ERBB4: variants seen among roughly 807,000 people sequenced by gnomAD.
The protein encoded by ERBB4 is receptor tyrosine-protein kinase erbB-4.
ERBB4 carries 42 observed loss-of-function variants against 158.0 expected under a neutral mutation model. The observed-to-expected ratio is 0.27, with a 90% CI of 0.21 to 0.34. The LOEUF (loss-of-function observed/expected upper bound fraction) is 0.34. ERBB4 is among the 10% of genes least tolerant of loss of function. The pLI is 1.00. For synonymous variants in ERBB4, 583 were observed against 558.7 expected (o/e 1.04, Z -0.61); for missense variants, 1,333 against 1,624.1 (o/e 0.82, Z 3.08).
intron 3 of ERBB4, among the ~76,000 whole-genome samples, chr2:211,905,726 A>C (rs13002593): frequency 1.2e-5 from 1 of 80,888 alleles, no homozygotes; most frequent in African/African-American, 4.6e-5. Flanking sequence ...ATGTGTGTGT[A>C]TGTGTGTGCA....
intron 1 of ERBB4, among the ~76,000 whole-genome samples, chr2:212,476,269 C>T (rs1199893872): frequency 6.6e-6 from 1 of 152,116 alleles, no homozygotes; most frequent in Non-Finnish European, 1.5e-5. Context: ...TTGTCTCCCT[C>T]ACTAGAGCAA....
intron 2 of ERBB4, among the ~76,000 whole-genome samples, chr2:212,031,078 T>C (rs930449159): frequency 7.9e-5 from 12 of 152,128 alleles, no homozygotes; most frequent in Non-Finnish European, 1.6e-4. Context: ...ATTCCTTGAT[T>C]ATACCCAAGC....
intron 17 of ERBB4, among the ~76,000 whole-genome samples, chr2:211,628,284 C>T (rs1021044829): frequency 6.6e-6 from 1 of 152,106 alleles, no homozygotes; most frequent in African/African-American, 2.4e-5. Flanking sequence ...CATCATTTAA[C>T]ATTAGGTATA....
chr2:211,517,043 T>C (rs2066053488), intron 20 of ERBB4, among the ~76,000 whole-genome samples: 1 of 152,132 alleles, frequency 6.6e-6, no homozygotes, highest in African/African-American at 2.4e-5. Context: ...GCTATTCACT[T>C]AGGAGTAGGT....
Position 212,391,646 on chromosome 2 carries a change from T to C in ERBB4, c.82+146803A>G, listed in dbSNP as rs1363038878. ...CAATATATTATATTGACATATAATA[T>C]TATATATTATATTATGTATTATATT... On this transcript the variant is annotated intron_variant, in intron 1 of 27. Coordinates refer to ENST00000342788, the MANE Select transcript of ERBB4 (RefSeq NM_005235.3). 3.5e-5 allele frequency among the ~76,000 whole-genome samples: 5 copies of C among 142,948 alleles called. No individual in the cohort carries two copies. In the East Asian group the frequency reaches 5.9e-4, roughly 17 times the overall value. The allele number at this position is 142,948 out of a possible 152,430, so 93.8% of individuals were successfully genotyped here. A position where few individuals can be genotyped will look rare whatever the true frequency, so the allele number is the denominator to read the frequency against.
intron 1 of ERBB4, among the ~76,000 whole-genome samples, chr2:212,334,198 C>T (rs1262897337): frequency 4.6e-5 from 7 of 151,744 alleles, no homozygotes; most frequent in African/African-American, 1.7e-4. Flanking sequence ...ACTCTTAATT[C>T]CTCTCTCTTT....
intron 1 of ERBB4, among the ~76,000 whole-genome samples, chr2:212,404,313 C>T (rs1225547145): frequency 6.6e-6 from 1 of 151,990 alleles, no homozygotes; most frequent in Non-Finnish European, 1.5e-5. Context: ...TTTTTCAAAA[C>T]TTAGATCAAA....
intron 1 of ERBB4, among the ~76,000 whole-genome samples, chr2:212,281,764 A>G (rs2085767545): frequency 6.6e-6 from 1 of 151,942 alleles, no homozygotes; most frequent in Non-Finnish European, 1.5e-5. Flanking sequence ...ACCAAATAGC[A>G]TCTTTCCATC....
chr2:212,185,032 T>TCTTTTTTTTTTTTTTA (rs2081979065), intron 1 of ERBB4, among the ~76,000 whole-genome samples: 1 of 104,144 alleles, frequency 9.6e-6, no homozygotes, highest in Admixed American at 8.5e-5. Context: ...TTTTTTTTTT[T>TCTTTTTTTTTTTTTTA]TCTTTTGAGA....
intron 3 of ERBB4, among the ~76,000 whole-genome samples, chr2:211,846,703 T>C (rs749188362): frequency 2.0e-5 from 3 of 152,106 alleles, no homozygotes; most frequent in East Asian, 1.9e-4. Flanking sequence ...ACCTCCTCAA[T>C]TGAGTAAAAA....
chr2:212,063,123 T>C (rs746326746), intron 2 of ERBB4, among the ~76,000 whole-genome samples: 2 of 152,160 alleles, frequency 1.3e-5, no homozygotes, highest in Non-Finnish European at 2.9e-5. Flanking sequence ...AAAAATTTAG[T>C]TTTGTTAACT....
chr2:212,457,175 C>G (rs561190116), intron 1 of ERBB4, among the ~76,000 whole-genome samples: 5 of 151,894 alleles, frequency 3.3e-5, no homozygotes, highest in Admixed American at 6.6e-5. Flanking sequence ...ACCTATGAAC[C>G]ATTTCAGGCT....
intron 20 of ERBB4, among the ~76,000 whole-genome samples, chr2:211,457,778 A>T (rs1350342042): frequency 2.6e-5 from 4 of 152,218 alleles, no homozygotes. Context: ...GGATGATGGG[A>T]TTGTTATGAT....
intron 10 of ERBB4, 42 bp downstream of exon 10, chr2:211,705,276 T>A: frequency 1.5e-6 from 2 of 1,363,824 alleles, no homozygotes; most frequent in Admixed American, 1.7e-5. Context: ...TTTAAAAAAA[T>A]TATATTGTTC....
chr2:212,520,116 T>C (rs1269969665), intron 1 of ERBB4, among the ~76,000 whole-genome samples: 1 of 151,938 alleles, frequency 6.6e-6, no homozygotes, highest in Non-Finnish European at 1.5e-5. Flanking sequence ...TTTAAACATA[T>C]TTGTCTTAAA....
At chr2:211,975,975 T>G (rs6744674) in intron 2 of ERBB4, among the ~76,000 whole-genome samples, 170 of 152,292 alleles carry the variant, frequency 1.1e-3, no homozygotes, top group African/African-American at 3.8e-3. Context: ...TTTAACAATA[T>G]TTTATTTAAA....
At chr2:212,467,973 C>A (rs139026249) in intron 1 of ERBB4, among the ~76,000 whole-genome samples, 2,126 of 152,314 alleles carry the variant, frequency 0.014, 49 homozygotes, top group African/African-American at 0.049. Context: ...CAAAGGAGAT[C>A]ATTTTAAAGC....
At chr2:211,900,634 A>G (rs16847171) in intron 3 of ERBB4, among the ~76,000 whole-genome samples, 15,317 of 152,168 alleles carry the variant, frequency 0.1, 936 homozygotes, top group African/African-American at 0.16. Flanking sequence ...ATTATTCATT[A>G]TGAGAGATAA....
chr2:212,373,852 C>CATATATATATATCA, intron 1 of ERBB4, among the ~76,000 whole-genome samples: 1 of 110,888 alleles, frequency 9.0e-6, no homozygotes, highest in South Asian at 3.0e-4. Context: ...TGTATATATC[C>CATATATATATATCA]ATGTATATAT....
Sources: gnomAD v4.1 joint callset for allele counts (sites outside exome capture counted in the v4.1 genomes callset) on GRCh38, gnomAD v4.1.1 for gene constraint, MANE v1.5 for transcripts, NCBI Gene and HGNC (gene_info 2026-07-23, HGNC 2026-07-21) for gene names.